The following OSBPL3 variants were observed in gnomAD, a reference collection of about 807,000 sequenced individuals.
The protein encoded by OSBPL3 is oxysterol-binding protein-related protein 3.
A neutral mutation model predicts 120.1 loss-of-function variants in OSBPL3; 65 were observed. The observed-to-expected ratio is 0.54, with a 90% confidence interval of 0.44 to 0.67. OSBPL3 has a LOEUF of 0.67. Among genes scored for constraint, OSBPL3 ranks in the 30% least tolerant of loss-of-function variants. OSBPL3 has a pLI of 0.00. For synonymous variants in OSBPL3, 416 were observed against 402.6 expected (o/e 1.03, Z -0.40); for missense variants, 1,004 against 1,082.1 (o/e 0.93, Z 1.01).
rs143386888 is a variant in OSBPL3 at position 24,819,251 on chromosome 7, C to CAAAAAAA, written c.1948+917_1948+923dup. 9.2e-6 allele frequency among the ~76,000 whole-genome samples: 1 copy of CAAAAAAA among 109,062 alleles called. No homozygotes were observed. The highest frequency in any genetic ancestry group is 3.3e-5 in the African/African-American group (1 of 30,278). 71.5% of individuals were successfully genotyped at this position (109,062 alleles called of 152,430 possible). On this transcript the variant is annotated intron_variant, in intron 17 of 22. Coordinates refer to ENST00000313367, the MANE Select transcript of OSBPL3 (RefSeq NM_015550.4). This position sits in a 1 kb window ranked among gnomAD's most constrained non-coding sequence, Gnocchi z 4.1. ...CTAGCAACAGACTGAGACTCCATTT[C>CAAAAAAA]AAAAAAAAAAAAAAAAAATCCAACT...
At chr7:24,861,863 C>G in intron 9 of OSBPL3, 94 bp from the exon 10 acceptor site, 1 of 647,512 alleles carries the variant, frequency 1.5e-6, no homozygotes, top group Middle Eastern at 2.9e-4. Context: ...AATACAAATA[C>G]AAAACATTTT....
At chr7:24,892,015 C>CCAAA (rs768245881) in intron 2 of OSBPL3, among the ~76,000 whole-genome samples, 3 of 152,120 alleles carry the variant, frequency 2.0e-5, no homozygotes, top group East Asian at 1.9e-4. Context: ...GGCTCTGAAG[C>CCAAA]CAAACAGACT....
intron 10 of OSBPL3, among the ~76,000 whole-genome samples, chr7:24,856,238 T>C (rs987632835): frequency 2.6e-5 from 4 of 152,124 alleles, no homozygotes; most frequent in Non-Finnish European, 5.9e-5. Context: ...AAGTCATAAG[T>C]TGCATCTACA....
At chr7:24,858,237 A>C (rs1008390398) in intron 10 of OSBPL3, among the ~76,000 whole-genome samples, 3 of 152,274 alleles carry the variant, frequency 2.0e-5, no homozygotes, top group Non-Finnish European at 2.9e-5. Context: ...TGAAGGTCGC[A>C]GAGACTATGT....
chr7:24,890,765 G>C (rs922998542), intron 2 of OSBPL3, among the ~76,000 whole-genome samples: 2 of 152,188 alleles, frequency 1.3e-5, no homozygotes, highest in Non-Finnish European at 2.9e-5. Context: ...TTTGATGAAT[G>C]AGTGACTGAT....
At chr7:24,850,183 C>T (rs1187096928) in intron 11 of OSBPL3, among the ~76,000 whole-genome samples, 3 of 152,234 alleles carry the variant, frequency 2.0e-5, no homozygotes, top group Non-Finnish European at 4.4e-5. Context: ...GACTATGCCC[C>T]CAGGCCTCCT....
chr7:24,861,827 A>G (rs1800582471), intron 9 of OSBPL3, 58 bp from the exon 10 acceptor site: 1 of 1,178,526 alleles, frequency 8.5e-7, no homozygotes, highest in South Asian at 1.6e-5. Context: ...TAGAATATTT[A>G]CTTGATTCTA....
At position 24,933,493 on chromosome 7, in the gene OSBPL3, G is replaced by GA. The variant is rs1421538129; in HGVS notation, c.-149-40873dup. Among the ~76,000 whole-genome samples, 1 of 152,020 alleles carries GA rather than the reference G, an allele frequency of 6.6e-6. No individual in the cohort carries two copies. The highest frequency in any genetic ancestry group is 2.4e-5 in the African/African-American group (1 of 41,364). On this transcript the variant is annotated intron_variant, in intron 1 of 22. Coordinates refer to ENST00000313367, the MANE Select transcript of OSBPL3 (RefSeq NM_015550.4). This position sits in a 1 kb window ranked among gnomAD's most constrained non-coding sequence, Gnocchi z 5.1. Reference sequence around the variant, plus strand: ...ACATCAGGAGAACAAAAAAAATCCAGAAAAACATCGAGAAAACTTTATTAA... The same window carrying GA: ...ACATCAGGAGAACAAAAAAAATCCAGAAAAAACATCGAGAAAACTTTATTAA...
At chr7:24,925,363 T>C (rs1295844266) in intron 1 of OSBPL3, among the ~76,000 whole-genome samples, 2 of 152,186 alleles carry the variant, frequency 1.3e-5, no homozygotes, top group Non-Finnish European at 2.9e-5. Flanking sequence ...CTGCCTATAA[T>C]ACATGTGGCC....
rs530868216 is a variant in OSBPL3 at position 24,972,480 on chromosome 7, C to A, written c.-150+7406G>T. On this transcript the variant is annotated intron_variant, in intron 1 of 22. Transcript: ENST00000313367. This position sits in a 1 kb window ranked among gnomAD's most constrained non-coding sequence, Gnocchi z 4.3. Reference sequence around the variant, plus strand: ...ATCTCCCCACTGTAATTAATGAATTCTCTGCAACTCTTTAATGTCTATATC... The same window carrying A: ...ATCTCCCCACTGTAATTAATGAATTATCTGCAACTCTTTAATGTCTATATC... Among the ~76,000 whole-genome samples the A allele has an allele frequency of 3.9e-5, 6 of 152,338 alleles. No homozygotes were observed. The East Asian group carries it at 7.7e-4, about 20-fold the overall frequency.
At chr7:24,814,905 T>G (rs894383342) in intron 19 of OSBPL3, among the ~76,000 whole-genome samples, 154 bp downstream of exon 19, 1 of 152,184 alleles carries the variant, frequency 6.6e-6, no homozygotes, top group African/African-American at 2.4e-5. Flanking sequence ...CTGGTCTAGG[T>G]GACAGAGGTG....
chr7:24,868,353 G>C (rs993364702), intron 5 of OSBPL3, among the ~76,000 whole-genome samples: 4 of 147,628 alleles, frequency 2.7e-5, no homozygotes, highest in African/African-American at 1.0e-4. Flanking sequence ...GTGTGTGTGT[G>C]TGTGTGTGTG....
rs897051686 is a variant in OSBPL3, at chr7:24,930,869, G to C, written c.-149-38248C>G. Among the ~76,000 whole-genome samples the C allele has an allele frequency of 1.3e-5, 2 of 152,206 alleles. No individual in the cohort carries two copies. The highest frequency in any genetic ancestry group is 2.9e-5 in the Non-Finnish European group (2 of 68,032). On this transcript the variant is annotated intron_variant, in intron 1 of 22. Coordinates refer to ENST00000313367, the MANE Select transcript of OSBPL3 (RefSeq NM_015550.4). The surrounding 1 kb of genome is among the most constrained non-coding windows in gnomAD (Gnocchi z 4.4). ...AAACTTGACCTATATCCAAAAACAAGTAGGCAAACCTCTCTCCAATCCAAA... is the reference window on the plus strand; with the variant it reads ...AAACTTGACCTATATCCAAAAACAACTAGGCAAACCTCTCTCCAATCCAAA...
Position 24,872,178 on chromosome 7 carries a change from G to T in OSBPL3, c.97-109C>A. ...TTTATTCAAGATGGGGAGGCTGGCT[G>T]GGTTTGTTGGGGAGAAGAAATCCAA... On this transcript the variant is annotated intron_variant, in intron 2 of 22. Coordinates refer to ENST00000313367, the MANE Select transcript of OSBPL3 (RefSeq NM_015550.4). The surrounding 1 kb of genome is among the most constrained non-coding windows in gnomAD (Gnocchi z 4.1). 1.3e-6 allele frequency: 1 copy of T among 751,690 alleles called. No homozygotes were observed. The highest frequency in any genetic ancestry group is 1.6e-5 in the South Asian group (1 of 61,324). 46.6% of individuals were successfully genotyped at this position (751,690 alleles called of 1,614,324 possible). A position where few individuals can be genotyped will look rare whatever the true frequency, so the allele number is the denominator to read the frequency against.
chr7:24,956,819 C>T (rs1008549194), intron 1 of OSBPL3, among the ~76,000 whole-genome samples: 2 of 152,052 alleles, frequency 1.3e-5, no homozygotes, highest in African/African-American at 2.4e-5. Context: ...ACTCTTTCAC[C>T]CTTCAACCAT....
In OSBPL3 at chr7:24,966,930, TCA is replaced by T. The variant is rs1232598782; in HGVS notation, c.-150+12954_-150+12955del. On this transcript the variant is annotated intron_variant, in intron 1 of 22. Coordinates refer to ENST00000313367, the MANE Select transcript of OSBPL3 (RefSeq NM_015550.4). The surrounding 1 kb of genome is among the most constrained non-coding windows in gnomAD (Gnocchi z 4.8). ...TACCGCCACTTTGCTTATTCCCCAT[TCA>T]CAGTCTTCTGGAAAATATATGAAAA... Among the ~76,000 whole-genome samples the T allele has an allele frequency of 2.0e-5, 3 of 152,198 alleles. No individual in the cohort carries two copies. Among genetic ancestry groups the T allele is most frequent in the Admixed American group, 6.5e-5 (1 of 15,276 alleles).
Position 24,834,304 on chromosome 7 carries a change from C to T in OSBPL3, c.1746+182G>A. 1 of 1,446,934 alleles carries T rather than the reference C, an allele frequency of 6.9e-7. No individual in the cohort carries two copies. Among genetic ancestry groups the T allele is most frequent in the Non-Finnish European group, 9.1e-7 (1 of 1,097,194 alleles). The allele number at this position is 1,446,934 out of a possible 1,614,324, so 89.6% of individuals were successfully genotyped here. On this transcript the variant is annotated intron_variant, in intron 15 of 22. Transcript: ENST00000313367. This position sits in a 1 kb window ranked among gnomAD's most constrained non-coding sequence, Gnocchi z 5.2. ...CACCCCAACCCCGTCTCCAAATCCT[C>T]ACAAGGTGACTGGAAACAGCCAGGC...
intron 10 of OSBPL3, among the ~76,000 whole-genome samples, chr7:24,858,521 T>C (rs1800108433): frequency 6.6e-6 from 1 of 152,198 alleles, no homozygotes; most frequent in East Asian, 1.9e-4. Flanking sequence ...AAGGAAGATC[T>C]TTCCCTCTCT....
chr7:24,846,455 T>C (rs1379127267), intron 12 of OSBPL3, among the ~76,000 whole-genome samples: 1 of 152,242 alleles, frequency 6.6e-6, no homozygotes, highest in Non-Finnish European at 1.5e-5. Flanking sequence ...CATGCCGATA[T>C]AGCAAACAGA....
Sources: gnomAD v4.1 joint callset for allele counts (sites outside exome capture counted in the v4.1 genomes callset) on GRCh38, gnomAD v4.1.1 for gene constraint, Gnocchi (gnomAD v3.1) non-coding constraint, MANE v1.5 for transcripts, NCBI Gene and HGNC (gene_info 2026-07-23, HGNC 2026-07-21) for gene names.